PRTFDC1: variants seen among roughly 807,000 people sequenced by gnomAD.
The protein encoded by PRTFDC1 is phosphoribosyl transferase domain containing 1, also known as phosphoribosyltransferase domain-containing protein 1.
In PRTFDC1, 38 loss-of-function variants were observed where a neutral mutation model predicts 34.6. That is an observed-to-expected ratio of 1.10 (90% CI 0.85 to 1.44). The LOEUF is 1.44. Among genes scored for constraint, PRTFDC1 ranks in the 40% most tolerant of loss-of-function variants. The pLI is 0.00. For missense variants in PRTFDC1, 270 were observed against 283.0 expected (o/e 0.95, Z 0.33); for synonymous variants, 93 against 98.1 (o/e 0.95, Z 0.31).
At chr10:24,911,339 A>G (rs1338749950) in intron 3 of PRTFDC1, among the ~76,000 whole-genome samples, 1 of 152,212 alleles carries the variant, frequency 6.6e-6, no homozygotes, top group African/African-American at 2.4e-5. Flanking sequence ...TACAGCATAT[A>G]TCCTTTCAAG....
At chr10:24,894,665 G>A (rs1284992751) in intron 3 of PRTFDC1, among the ~76,000 whole-genome samples, 1 of 152,174 alleles carries the variant, frequency 6.6e-6, no homozygotes, top group Non-Finnish European at 1.5e-5. Context: ...CTCCATTTTT[G>A]AGGTTTTATG....
Position 24,952,553 on chromosome 10 carries a change from G to T in PRTFDC1, c.23C>A (p.Ala8Glu). 1.3e-6 allele frequency: 2 copies of T among 1,592,028 alleles called. No homozygotes were observed. The highest frequency in any genetic ancestry group is 1.7e-6 in the Non-Finnish European group (2 of 1,169,162). ...CACGACGCCTCGCCCGTAGTCTGGC[G>T]CCTCCTCGCTGCTCCCGGCCATGTT... MAGSSEE[A>E]PDYGRGVVIM... Residue 8 changes from alanine to glutamate, a missense_variant, in exon 1 of 9, where the codon GCG becomes GAG. Ala to Glu is a moderately radical substitution (Grantham distance 107). Coordinates refer to ENST00000320152, the MANE Select transcript of PRTFDC1 (RefSeq NM_020200.7). The surrounding 1 kb of genome is among the most constrained non-coding windows in gnomAD (Gnocchi z 5.1).
chr10:24,851,191 T>A (rs1371272264), intron 8 of PRTFDC1, among the ~76,000 whole-genome samples, 197 bp downstream of exon 8: 1 of 152,220 alleles, frequency 6.6e-6, no homozygotes, highest in Non-Finnish European at 1.5e-5. Flanking sequence ...AATCATAATT[T>A]GCCTCTATCA....
chr10:24,933,006 G>A (rs1848993043), intron 3 of PRTFDC1, among the ~76,000 whole-genome samples: 1 of 151,964 alleles, frequency 6.6e-6, no homozygotes, highest in Non-Finnish European at 1.5e-5. Context: ...CAACTCCATG[G>A]AAAAGGATCA....
At chr10:24,914,180 A>G (rs768055839) in intron 3 of PRTFDC1, among the ~76,000 whole-genome samples, 21 of 152,236 alleles carry the variant, frequency 1.4e-4, no homozygotes, top group South Asian at 2.1e-4. Context: ...GTAGTTAATC[A>G]TAGCCACAAG....
chr10:24,895,253 C>CTT (rs60331186), intron 3 of PRTFDC1, among the ~76,000 whole-genome samples: 4 of 105,188 alleles, frequency 3.8e-5, no homozygotes, highest in Non-Finnish European at 5.3e-5. Context: ...TCTCCACTTT[C>CTT]TTTTTTTTTT....
At chr10:24,851,819 G>A (rs1847495003) in intron 7 of PRTFDC1, among the ~76,000 whole-genome samples, 1 of 151,638 alleles carries the variant, frequency 6.6e-6, no homozygotes, top group Admixed American at 6.6e-5. Flanking sequence ...GATGCCAAAG[G>A]AAACACTCTC....
intron 3 of PRTFDC1, among the ~76,000 whole-genome samples, chr10:24,920,739 TATTCTGCATAGAGTAGTCTAAC>T (rs1211163284): frequency 6.6e-6 from 1 of 152,222 alleles, no homozygotes; most frequent in Non-Finnish European, 1.5e-5. Flanking sequence ...CTAGTAGATG[TATTCTGCATAGAGTAGTCTAAC>T]AGTACTGCTG....
chr10:24,849,858 T>C lies in PRTFDC1; in HGVS notation c.664A>G (p.Lys222Glu), dbSNP rs1361529995. ...ICVINEHGKE[K>E]YRV is the part of the protein sequence containing the mutation. ...AATTCATGTCTTTAGACTCGATATTTTTCTTTACCGTGCTCATTGATGACG... is the reference window on the plus strand; with the variant it reads ...AATTCATGTCTTTAGACTCGATATTCTTCTTTACCGTGCTCATTGATGACG... The change falls in exon 9 of 9, where the codon AAA (lysine) becomes GAA (glutamate). Residue 222 changes from lysine (K) to glutamate (E), a missense_variant. Lys to Glu is a moderately conservative substitution (Grantham distance 56). Transcript: ENST00000320152. 1 of 1,613,998 alleles carries C rather than the reference T, an allele frequency of 6.2e-7. No homozygotes were observed. Among genetic ancestry groups the C allele is most frequent in the Admixed American group, 1.7e-5 (1 of 60,008 alleles).
At chr10:24,898,499 C>T (rs969252962) in intron 3 of PRTFDC1, among the ~76,000 whole-genome samples, 2 of 150,110 alleles carry the variant, frequency 1.3e-5, no homozygotes, top group Non-Finnish European at 3.0e-5. Flanking sequence ...AGAGTTGGAC[C>T]AGCAGGCTTA....
At chr10:24,939,008 A>C (rs1849098784) in intron 2 of PRTFDC1, among the ~76,000 whole-genome samples, 1 of 152,206 alleles carries the variant, frequency 6.6e-6, no homozygotes, top group South Asian at 2.1e-4. Flanking sequence ...CTAGTAAGTG[A>C]GGCTTAAAAA....
chr10:24,943,616 T>C lies in PRTFDC1; in HGVS notation c.49-1180A>G, dbSNP rs561345935. ...CCCAGTCTGGAGTGCAGTGGTGCGATCTCTGCTCACTGCAACCCTGCCTCC... is the reference window on the plus strand; with the variant it reads ...CCCAGTCTGGAGTGCAGTGGTGCGACCTCTGCTCACTGCAACCCTGCCTCC... On this transcript the variant is annotated intron_variant, in intron 1 of 8. Transcript: ENST00000320152. Among the ~76,000 whole-genome samples the C allele has an allele frequency of 4.4e-4, 67 of 151,008 alleles. 1 individual carries two copies. The highest frequency in any genetic ancestry group is 8.7e-4 in the Non-Finnish European group (59 of 67,820).
At chr10:24,867,865 A>G (rs1847809716) in intron 4 of PRTFDC1, 1 of 147,464 alleles carries the variant, frequency 6.8e-6, no homozygotes, top group South Asian at 2.1e-4. Context: ...GTGCAGTGGC[A>G]TGATCTTGGC....
At position 24,849,865 on chromosome 10, in the gene PRTFDC1, A is replaced by G. The variant is rs780775219; in HGVS notation, c.657T>C (p.Gly219=). The G allele has an allele frequency of 3.7e-6, 6 of 1,613,802 alleles. No homozygotes were observed. The African/African-American group carries it at 6.7e-5, about 18-fold the overall frequency. Residue 219 remains glycine, a synonymous_variant, in exon 9 of 9, where the codon GGT becomes GGC. Coordinates refer to ENST00000320152, the MANE Select transcript of PRTFDC1 (RefSeq NM_020200.7). ...LNHICVINEH[G]KEKYRV ...GTCTTTAGACTCGATATTTTTCTTT[A>G]CCGTGCTCATTGATGACGCATATGT...
intron 1 of PRTFDC1, among the ~76,000 whole-genome samples, chr10:24,943,321 T>C (rs1849199949): frequency 6.6e-6 from 1 of 152,078 alleles, no homozygotes; most frequent in South Asian, 2.1e-4. Flanking sequence ...TAGAAACTGA[T>C]GATCCAGAAA....
At chr10:24,883,025 A>T (rs919919079) in intron 3 of PRTFDC1, among the ~76,000 whole-genome samples, 1 of 148,780 alleles carries the variant, frequency 6.7e-6, no homozygotes, top group Non-Finnish European at 1.5e-5. Context: ...ACATATATAC[A>T]AATATGTTTA....
chr10:24,882,202 C>T (rs1238123959), intron 3 of PRTFDC1, among the ~76,000 whole-genome samples: 1 of 11,270 alleles, frequency 8.9e-5, no homozygotes, highest in Non-Finnish European at 1.9e-4. Context: ...GCGGATCTGC[C>T]TCAAAAAAAA....
chr10:24,874,294 A>G (rs905383421), intron 3 of PRTFDC1, among the ~76,000 whole-genome samples: 2 of 152,306 alleles, frequency 1.3e-5, no homozygotes, highest in East Asian at 1.9e-4. Context: ...GTTTTTGTTC[A>G]TATATCACCA....
chr10:24,890,649 T>C (rs1848244612), intron 3 of PRTFDC1, among the ~76,000 whole-genome samples: 1 of 152,184 alleles, frequency 6.6e-6, no homozygotes, highest in South Asian at 2.1e-4. Flanking sequence ...GAGGGAGGGC[T>C]ATATGAACTC....
Sources: gnomAD v4.1 joint callset for allele counts (sites outside exome capture counted in the v4.1 genomes callset) on GRCh38, gnomAD v4.1.1 for gene constraint, Gnocchi (gnomAD v3.1) non-coding constraint, MANE v1.5 for transcripts, NCBI Gene and HGNC (gene_info 2026-07-23, HGNC 2026-07-21) for gene names.